NRG1: variants seen among roughly 807,000 people sequenced by gnomAD.
NRG1 encodes neuregulin 1.
In NRG1, 18 loss-of-function variants were observed where a neutral mutation model predicts 63.8. The observed-to-expected ratio is 0.28, with a 90% CI of 0.19 to 0.42. The LOEUF is 0.42. NRG1 is among the 10% of genes least tolerant of loss of function. The pLI, the probability that NRG1 is intolerant of heterozygous loss-of-function variation, is 1.00. For missense variants in NRG1, 762 were observed against 814.7 expected (o/e 0.94, Z 0.79); for synonymous variants, 302 against 301.3 (o/e 1.00, Z -0.02).
chr8:32,701,294 T>G (rs1019795835), intron 5 of NRG1, among the ~76,000 whole-genome samples: 4 of 152,230 alleles, frequency 2.6e-5, no homozygotes, highest in Non-Finnish European at 5.9e-5. Flanking sequence ...TCAGACATCT[T>G]TTGCTTCTGA....
chr8:32,169,640 A>G (rs976286854), intron 1 of NRG1, among the ~76,000 whole-genome samples: 2 of 152,136 alleles, frequency 1.3e-5, no homozygotes, highest in African/African-American at 4.8e-5. Flanking sequence ...ATAATTGATA[A>G]CCTTCATTTA....
At chr8:32,719,185 C>T (rs1254142125) in intron 5 of NRG1, among the ~76,000 whole-genome samples, 3 of 151,964 alleles carry the variant, frequency 2.0e-5, no homozygotes, top group African/African-American at 7.2e-5. Flanking sequence ...TCTAGTTTTA[C>T]AATATAAAGA....
chr8:31,857,950 T>G (rs1053145320), intron 1 of NRG1, among the ~76,000 whole-genome samples: 3 of 152,120 alleles, frequency 2.0e-5, no homozygotes, highest in Non-Finnish European at 4.4e-5. Context: ...AGTGGCTGGC[T>G]CTTGGAAGTT....
Position 32,497,804 on chromosome 8 carries a change from A to AATTTT in NRG1, c.38-98004_38-98000dup, listed in dbSNP as rs1008947594. The stretch of plus-strand genomic sequence containing the variant: ...AATGAAAGATTAATAAGAGGCACAC[A>AATTTT]ATTTTATTTTATTTTATTTTATTTA... On this transcript the variant is annotated intron_variant, in intron 1 of 10. Coordinates refer to the NRG1 transcript ENST00000519301. 6.0e-4 allele frequency among the ~76,000 whole-genome samples: 91 copies of AATTTT among 152,266 alleles called. 1 individual carries two copies. Among genetic ancestry groups the AATTTT allele is most frequent in the Admixed American group, 3.1e-3 (47 of 15,306 alleles).
intron 1 of NRG1, among the ~76,000 whole-genome samples, chr8:32,435,390 T>TG (rs1818661730): frequency 6.6e-6 from 1 of 152,192 alleles, no homozygotes; most frequent in Non-Finnish European, 1.5e-5. Context: ...ACAAATATGG[T>TG]AATAGCTCAA....
intron 5 of NRG1, among the ~76,000 whole-genome samples, chr8:32,641,726 A>G (rs1350229701): frequency 6.6e-6 from 1 of 152,200 alleles, no homozygotes; most frequent in African/African-American, 2.4e-5. Context: ...TTGATACAGC[A>G]TCTCACAAAG....
At chr8:32,663,142 A>G (rs1355442997) in intron 5 of NRG1, among the ~76,000 whole-genome samples, 1 of 152,120 alleles carries the variant, frequency 6.6e-6, no homozygotes, top group Non-Finnish European at 1.5e-5. Flanking sequence ...TTTCTTTTTA[A>G]TTCATCTTGT....
intron 1 of NRG1, among the ~76,000 whole-genome samples, chr8:31,834,814 T>C (rs972486763): frequency 6.6e-6 from 1 of 152,228 alleles, no homozygotes; most frequent in Non-Finnish European, 1.5e-5. Context: ...TGTTGTTCTG[T>C]AGTTTGATGA....
At chr8:32,070,144 A>G (rs1825540558) in intron 1 of NRG1, among the ~76,000 whole-genome samples, 1 of 152,200 alleles carries the variant, frequency 6.6e-6, no homozygotes, top group Admixed American at 6.6e-5. Context: ...GTAAATATAT[A>G]TTAACAACAC....
intron 1 of NRG1, among the ~76,000 whole-genome samples, chr8:32,476,054 G>GAGAA (rs1161836496): frequency 6.6e-6 from 1 of 151,918 alleles, no homozygotes; most frequent in African/African-American, 2.4e-5. Flanking sequence ...CTGCAGGGTA[G>GAGAA]AGAAAGTATT....
chr8:32,578,464 GTCC>G (rs753069302), intron 1 of NRG1, among the ~76,000 whole-genome samples: 35 of 98,254 alleles, frequency 3.6e-4, no homozygotes, highest in Non-Finnish European at 7.4e-4. Flanking sequence ...GACATTCTCT[GTCC>G]TCCTTTTTTT....
chr8:32,732,799 C>CTTTTTTTTTTTTTTTTT (rs1173388613), intron 6 of NRG1, among the ~76,000 whole-genome samples: 4 of 83,344 alleles, frequency 4.8e-5, no homozygotes, highest in Non-Finnish European at 6.7e-5. Context: ...TGTTTAATTT[C>CTTTTTTTTTTTTTTTTT]TTTTTTTTTT....
chr8:32,263,501 A>G (rs933100042), intron 1 of NRG1, among the ~76,000 whole-genome samples: 1 of 152,042 alleles, frequency 6.6e-6, no homozygotes, highest in Non-Finnish European at 1.5e-5. Context: ...TCAGACCCGC[A>G]CTTTTTGTTA....
At chr8:32,326,254 G>C (rs1399488428) in intron 1 of NRG1, among the ~76,000 whole-genome samples, 3 of 149,302 alleles carry the variant, frequency 2.0e-5, no homozygotes, top group Non-Finnish European at 4.4e-5. Flanking sequence ...GTGATCTGCC[G>C]ACCTTGGTCT....
At chr8:31,939,727 G>T (rs748123280) in intron 1 of NRG1, among the ~76,000 whole-genome samples, 1 of 151,996 alleles carries the variant, frequency 6.6e-6, no homozygotes, top group Non-Finnish European at 1.5e-5. Context: ...GGGTAAAAAA[G>T]ATATTTTATG....
intron 5 of NRG1, among the ~76,000 whole-genome samples, chr8:32,718,035 C>A (rs890948178): frequency 6.6e-6 from 1 of 152,146 alleles, no homozygotes; most frequent in African/African-American, 2.4e-5. Context: ...TCATTTCAAG[C>A]CAACTATGGT....
intron 1 of NRG1, among the ~76,000 whole-genome samples, chr8:31,705,854 A>G (rs1441478680): frequency 6.6e-6 from 1 of 152,182 alleles, no homozygotes; most frequent in East Asian, 1.9e-4. Context: ...AAAGGAGGTA[A>G]TCTAATGCCC....
chr8:32,623,913 T>C (rs978817668), intron 5 of NRG1, among the ~76,000 whole-genome samples: 2 of 152,214 alleles, frequency 1.3e-5, no homozygotes, highest in African/African-American at 4.8e-5. Context: ...AAATTAACGC[T>C]TTACAGAATT....
intron 5 of NRG1, among the ~76,000 whole-genome samples, chr8:32,719,147 A>G (rs759489550): frequency 2.6e-4 from 39 of 152,176 alleles, no homozygotes; most frequent in Non-Finnish European, 4.3e-4. Flanking sequence ...AGCTAAAAGC[A>G]GATATTCTTA....
Sources: allele counts gnomAD v4.1 joint callset (sites outside exome capture counted in the v4.1 genomes callset), GRCh38; gene constraint gnomAD v4.1.1; transcripts MANE v1.5; gene names NCBI Gene and HGNC (gene_info 2026-07-23, HGNC 2026-07-21).